The following RHBDL3 variants were observed in gnomAD, a reference collection of about 807,000 sequenced individuals.
The protein encoded by RHBDL3 is rhomboid-related protein 3.
In RHBDL3, 28 loss-of-function variants were observed where a neutral mutation model predicts 48.2. The ratio of observed to expected loss-of-function variants is 0.58; its 90% CI spans 0.43 to 0.80. The LOEUF is 0.80. RHBDL3 is among the 30% of genes least tolerant of loss of function. RHBDL3 has a pLI of 0.00. For synonymous variants in RHBDL3, 208 were observed against 232.3 expected (o/e 0.90, Z 0.95); for missense variants, 464 against 542.7 (o/e 0.85, Z 1.44).
At position 32,267,439 on chromosome 17, in the gene RHBDL3, A is replaced by AGGGGG. The variant is rs147012572; in HGVS notation, c.112-459_112-455dup. Among the ~76,000 whole-genome samples, 506 of 135,460 alleles carry AGGGGG rather than the reference A, an allele frequency of 3.7e-3. 19 individuals are homozygous for AGGGGG. Among genetic ancestry groups the AGGGGG allele is most frequent in the African/African-American group, 0.014 (468 of 33,144 alleles). The allele number at this position is 135,460 out of a possible 152,430, so 88.9% of individuals were successfully genotyped here. A position where few individuals can be genotyped will look rare whatever the true frequency, so the allele number is the denominator to read the frequency against. ...CAGAGGTGAGTTCTCCTGGGGGGGGAGGGGGGGGCTCTAGCTCCCAGCAGG... is the reference window on the plus strand; with the variant it reads ...CAGAGGTGAGTTCTCCTGGGGGGGGAGGGGGGGGGGGGGCTCTAGCTCCCAGCAGG... On this transcript the variant is annotated intron_variant, in intron 1 of 8. Coordinates refer to ENST00000269051, the MANE Select transcript of RHBDL3 (RefSeq NM_138328.3).
intron 7 of RHBDL3, among the ~76,000 whole-genome samples, chr17:32,306,120 A>G (rs1486059909): frequency 6.6e-6 from 1 of 152,142 alleles, no homozygotes; most frequent in Non-Finnish European, 1.5e-5. Context: ...ATCTCCTGAC[A>G]ACCATTCAAG....
chr17:32,266,576 G>T (rs554811322), intron 1 of RHBDL3, among the ~76,000 whole-genome samples: 59 of 152,290 alleles, frequency 3.9e-4, no homozygotes, highest in African/African-American at 1.3e-3. Flanking sequence ...CCTCCCCGCC[G>T]CTGGTGCAGT....
chr17:32,274,505 C>T (rs1412088704), intron 2 of RHBDL3, among the ~76,000 whole-genome samples: 1 of 152,190 alleles, frequency 6.6e-6, no homozygotes, highest in African/African-American at 2.4e-5. Context: ...TAACTGCATG[C>T]TTATAAATTT....
In RHBDL3 at chr17:32,289,158, A is replaced by G. The variant is rs897178490; in HGVS notation, c.519+142A>G. 30 of 681,968 alleles carry G rather than the reference A, an allele frequency of 4.4e-5. No individual in the cohort carries two copies. The African/African-American group carries it at 4.6e-4, about 10-fold the overall frequency. 42.2% of individuals were successfully genotyped at this position (681,968 alleles called of 1,614,324 possible). On this transcript the variant is annotated intron_variant, in intron 4 of 8. Transcript: ENST00000269051. ...AAGGGCAATGGTTGAGGATCAAATA[A>G]TAGTTGTATTGCAAATCAGACTCTG...
At position 32,324,081 on chromosome 17, in the gene RHBDL3, T is replaced by G. The variant is rs1411027132; in HGVS notation, c.*2852T>G. ...CTGGTGGAGGTAGGTTGGCCTTTTA[T>G]CCACAGGATACAGAAACTGAAAGCT... On this transcript the variant is annotated 3_prime_UTR_variant, in exon 9 of 9. Coordinates refer to ENST00000269051, the MANE Select transcript of RHBDL3 (RefSeq NM_138328.3). 1 of 152,290 alleles carries G rather than the reference T, an allele frequency of 6.6e-6. No homozygotes were observed. Among genetic ancestry groups the G allele is most frequent in the Non-Finnish European group, 1.5e-5 (1 of 68,120 alleles). 9.4% of individuals were successfully genotyped at this position (152,290 alleles called of 1,614,324 possible).
intron 2 of RHBDL3, chr17:32,284,409 C>T (rs1025275139): frequency 1.8e-5 from 8 of 438,028 alleles, no homozygotes; most frequent in Non-Finnish European, 2.4e-5. Context: ...GCGGTTTAAC[C>T]TCTCTGAGCC....
chr17:32,270,733 G>T (rs2039752163), intron 2 of RHBDL3, among the ~76,000 whole-genome samples: 1 of 152,096 alleles, frequency 6.6e-6, no homozygotes, highest in South Asian at 2.1e-4. Context: ...AGACCTGAGG[G>T]TCATCAGTTC....
intron 4 of RHBDL3, among the ~76,000 whole-genome samples, chr17:32,292,737 G>T (rs1378561279): frequency 6.8e-6 from 1 of 147,838 alleles, no homozygotes; most frequent in African/African-American, 2.5e-5. Context: ...GGGAGGTAGA[G>T]TTTGCAGTGA....
At chr17:32,283,537 A>G (rs911787845) in intron 2 of RHBDL3, among the ~76,000 whole-genome samples, 7 of 151,188 alleles carry the variant, frequency 4.6e-5, no homozygotes, top group South Asian at 2.1e-4. Context: ...GTTAGCCAGG[A>G]TGGTCTCCAT....
In RHBDL3 at chr17:32,288,966, T is replaced by C. The variant is rs1427276260; in HGVS notation, c.469T>C (p.Tyr157His). 3.1e-6 allele frequency: 5 copies of C among 1,614,178 alleles called. No individual in the cohort carries two copies. Among genetic ancestry groups the C allele is most frequent in the Non-Finnish European group, 4.2e-6 (5 of 1,180,042 alleles). ...TGACCGCAAGTGGTACTATGACAGC[T>C]ACACCTGCTGCCCCCCACCCTGGTT... The part of the protein sequence containing the change: ...EIDRKWYYDS[Y>H]TCCPPPWFMI... The change falls in exon 4 of 9, where the codon TAC becomes CAC. Residue 157 changes from tyrosine to histidine, a missense_variant. Coordinates refer to ENST00000269051, the MANE Select transcript of RHBDL3 (RefSeq NM_138328.3).
Position 32,321,380 on chromosome 17 carries a change from A to G in RHBDL3, c.*151A>G, listed in dbSNP as rs1395323272. 6.5e-7 allele frequency: 1 copy of G among 1,536,922 alleles called. No individual in the cohort carries two copies. The highest frequency in any genetic ancestry group is 2.0e-5 in the Admixed American group (1 of 50,996). On this transcript the variant is annotated 3_prime_UTR_variant, in exon 9 of 9. Transcript: ENST00000269051. ...GTAATGTTTGTGTTTAGATTTGGAC[A>G]CACAGTGGAGACCCTTTTCTGAAAG...
At chr17:32,283,499 A>AT (rs747524386) in intron 2 of RHBDL3, among the ~76,000 whole-genome samples, 8 of 151,028 alleles carry the variant, frequency 5.3e-5, no homozygotes, top group South Asian at 2.1e-4. Context: ...ACTTTTTTGT[A>AT]TTTTTAGTAG....
At chr17:32,268,031 C>G (rs1320377217) in intron 2 of RHBDL3, 106 bp downstream of exon 2, 2 of 868,502 alleles carry the variant, frequency 2.3e-6, no homozygotes, top group East Asian at 2.4e-5. Context: ...GAGATGGTGA[C>G]GTGGGGTGGG....
At position 32,323,373 on chromosome 17, in the gene RHBDL3, A is replaced by T. The variant is rs923452746; in HGVS notation, c.*2144A>T. On this transcript the variant is annotated 3_prime_UTR_variant, in exon 9 of 9. Coordinates refer to ENST00000269051, the MANE Select transcript of RHBDL3 (RefSeq NM_138328.3). ...GGCTGTGGAGCTGGGCTCAGGGAAG[A>T]CCAGGGGAGGATGCAGAAGGAGTCA... 6.6e-6 allele frequency: 1 copy of T among 152,368 alleles called. No homozygotes were observed. The highest frequency in any genetic ancestry group is 2.4e-5 in the African/African-American group (1 of 41,432). 9.4% of individuals were successfully genotyped at this position (152,368 alleles called of 1,614,324 possible). A position where few individuals can be genotyped will look rare whatever the true frequency, so the allele number is the denominator to read the frequency against.
At position 32,310,076 on chromosome 17, in the gene RHBDL3, T is replaced by C. The variant is rs1376444635; in HGVS notation, c.882+4635T>C. On this transcript the variant is annotated intron_variant, in intron 7 of 8. Transcript: ENST00000269051. ...GACTTCTTATTTTAAACACTAGAAATATACAGATACACCTAATTGAATAAT... is the reference window on the plus strand; with the variant it reads ...GACTTCTTATTTTAAACACTAGAAACATACAGATACACCTAATTGAATAAT... Among the ~76,000 whole-genome samples the C allele has an allele frequency of 2.0e-5, 3 of 152,174 alleles. No individual in the cohort carries two copies. In the South Asian group the frequency reaches 6.2e-4, roughly 32 times the overall value.
intron 7 of RHBDL3, among the ~76,000 whole-genome samples, chr17:32,310,914 A>T (rs1014028026): frequency 2.1e-4 from 22 of 105,788 alleles, no homozygotes; most frequent in Admixed American, 2.8e-4. Flanking sequence ...GGTTTACTTT[A>T]TTAAGGAAAA....
At chr17:32,291,563 C>A (rs972641053) in intron 4 of RHBDL3, among the ~76,000 whole-genome samples, 2 of 150,936 alleles carry the variant, frequency 1.3e-5, no homozygotes, top group African/African-American at 4.9e-5. Context: ...TGCCTGTAAT[C>A]CCAGCTACTC....
chr17:32,304,204 C>T (rs139856764), intron 6 of RHBDL3, among the ~76,000 whole-genome samples: 1 of 152,340 alleles, frequency 6.6e-6, no homozygotes, highest in Admixed American at 6.5e-5. Context: ...GACATCATCT[C>T]TCTCTCTTCC....
intron 2 of RHBDL3, among the ~76,000 whole-genome samples, chr17:32,270,668 G>T (rs1373058189): frequency 1.3e-5 from 2 of 151,922 alleles, no homozygotes; most frequent in South Asian, 2.1e-4. Context: ...TCCATGCCAC[G>T]CACCCTCACT....
Sources: gnomAD v4.1 joint callset for allele counts (sites outside exome capture counted in the v4.1 genomes callset) on GRCh38, gnomAD v4.1.1 for gene constraint, MANE v1.5 for transcripts, NCBI Gene and HGNC (gene_info 2026-07-23, HGNC 2026-07-21) for gene names.